CACNB2: variants seen among roughly 807,000 people sequenced by gnomAD.
The protein encoded by CACNB2 is voltage-dependent L-type calcium channel subunit beta-2.
A neutral mutation model predicts 73.3 loss-of-function variants in CACNB2; 42 were observed. The observed-to-expected ratio is 0.57, with a 90% confidence interval of 0.45 to 0.74. The LOEUF (loss-of-function observed/expected upper bound fraction) is 0.74, where lower values mean the gene tolerates loss of function less well. CACNB2 is among the 30% of genes least tolerant of loss of function. CACNB2 has a pLI of 0.00. For missense variants in CACNB2, 940 were observed against 853.0 expected, an observed-to-expected ratio of 1.10 and a Z score of -1.27; for synonymous variants, 348 against 310.3, an observed-to-expected ratio of 1.12 and a Z score of -1.28.
At position 18,323,192 on chromosome 10, in the gene CACNB2, C is replaced by T. The variant is rs141686855; in HGVS notation, c.214-78732C>T. 2.5e-3 allele frequency among the ~76,000 whole-genome samples: 376 copies of T among 151,982 alleles called. 1 individual carries two copies. The highest frequency in any genetic ancestry group is 8.7e-3 in the African/African-American group (359 of 41,456). On this transcript the variant is annotated intron_variant, in intron 2 of 13. Transcript: ENST00000324631. ...CAGGCTGGTCTTGAACTCCTGGGCT[C>T]ATGCAATCCTCTCGCCTCAGCCTCC... is the stretch of plus-strand genomic sequence containing the variant.
chr10:18,400,520 G>C (rs562671795), intron 2 of CACNB2: 105 of 951,302 alleles, frequency 1.1e-4, no homozygotes, highest in Admixed American at 8.4e-4. Context: ...GCGACATATG[G>C]AGCATGCCCA....
intron 2 of CACNB2, among the ~76,000 whole-genome samples, chr10:18,188,502 ACTGTGTTGCCCAGGCTGCT>A (rs370062700): frequency 0.034 from 5,159 of 152,206 alleles, 94 homozygotes; most frequent in South Asian, 0.041. Flanking sequence ...ACAGGGTCTT[ACTGTGTTGCCCAGGCTGCT>A]CTGGAACTCC....
At chr10:18,349,295 G>A in intron 2 of CACNB2, among the ~76,000 whole-genome samples, 1 of 152,192 alleles carries the variant, frequency 6.6e-6, no homozygotes, top group East Asian at 1.9e-4. Context: ...TGGTGAAAAT[G>A]TTGTTGAAAG....
chr10:18,336,702 T>A (rs1407482731), intron 2 of CACNB2, among the ~76,000 whole-genome samples: 1 of 152,170 alleles, frequency 6.6e-6, no homozygotes, highest in African/African-American at 2.4e-5. Flanking sequence ...CTAGACCAAT[T>A]TATTTATATT....
chr10:18,268,690 G>T (rs1284425796), intron 2 of CACNB2, among the ~76,000 whole-genome samples: 1 of 152,136 alleles, frequency 6.6e-6, no homozygotes, highest in Non-Finnish European at 1.5e-5. Context: ...TAAGTATGTT[G>T]CAATAAGTAT....
intron 2 of CACNB2, among the ~76,000 whole-genome samples, chr10:18,289,283 TGTTTTTTTGTTTTG>T (rs1375613216): frequency 3.8e-5 from 4 of 104,558 alleles, no homozygotes; most frequent in African/African-American, 2.0e-4. Context: ...TTTTTTTTCT[TGTTTTTTTGTTTTG>T]TTTTTTTTTT....
intron 2 of CACNB2, among the ~76,000 whole-genome samples, chr10:18,283,592 T>C (rs2038652429): frequency 6.7e-6 from 1 of 148,912 alleles, no homozygotes; most frequent in Non-Finnish European, 1.5e-5. Flanking sequence ...ACACCGCATG[T>C]TCTCACTCAT....
chr10:18,277,053 G>T (rs2038325377), intron 2 of CACNB2, among the ~76,000 whole-genome samples: 1 of 152,194 alleles, frequency 6.6e-6, no homozygotes, highest in African/African-American at 2.4e-5. Flanking sequence ...GGAGGTCGAG[G>T]CTGCAGTGAG....
chr10:18,320,452 G>C, intron 2 of CACNB2, among the ~76,000 whole-genome samples: 1 of 152,006 alleles, frequency 6.6e-6, no homozygotes, highest in East Asian at 1.9e-4. Context: ...CAAAAATTTT[G>C]AAAAACTAGT....
At chr10:18,405,194 A>G (rs1368634739) in intron 3 of CACNB2, among the ~76,000 whole-genome samples, 1 of 152,198 alleles carries the variant, frequency 6.6e-6, no homozygotes, top group Non-Finnish European at 1.5e-5. Context: ...AACCATCACT[A>G]TAATCAGTTT....
chr10:18,250,615 T>G (rs1290918120), intron 2 of CACNB2, among the ~76,000 whole-genome samples: 1 of 152,190 alleles, frequency 6.6e-6, no homozygotes, highest in African/African-American at 2.4e-5. Flanking sequence ...TGTCTTTTAT[T>G]TTTGGAAAAT....
intron 3 of CACNB2, among the ~76,000 whole-genome samples, chr10:18,442,018 G>A (rs555817984): frequency 6.6e-5 from 10 of 152,166 alleles, no homozygotes; most frequent in Non-Finnish European, 8.8e-5. Flanking sequence ...CAAGCTCCTC[G>A]CCTCATAATT....
chr10:18,353,225 G>T (rs1188379008), intron 2 of CACNB2, among the ~76,000 whole-genome samples: 1 of 152,054 alleles, frequency 6.6e-6, no homozygotes, highest in Non-Finnish European at 1.5e-5. Context: ...CCCTGGCCAA[G>T]ATGGTGAAAC....
intron 2 of CACNB2, among the ~76,000 whole-genome samples, chr10:18,284,880 C>G (rs1194753179): frequency 1.3e-5 from 2 of 152,138 alleles, no homozygotes; most frequent in African/African-American, 4.8e-5. Flanking sequence ...AATGGTTGAG[C>G]TTTTAGAGAT....
intron 3 of CACNB2, among the ~76,000 whole-genome samples, chr10:18,493,764 A>G (rs2049606954): frequency 6.6e-6 from 1 of 152,142 alleles, no homozygotes; most frequent in South Asian, 2.1e-4. Context: ...ATATGAATGA[A>G]ATTAATATGG....
intron 2 of CACNB2, among the ~76,000 whole-genome samples, chr10:18,371,764 T>C (rs1424427874): frequency 2.0e-5 from 3 of 152,322 alleles, no homozygotes; most frequent in Admixed American, 6.5e-5. Flanking sequence ...TCTAGATCCC[T>C]GAGGAATCAC....
chr10:18,232,265 A>G (rs1298391151), intron 2 of CACNB2, among the ~76,000 whole-genome samples: 1 of 152,144 alleles, frequency 6.6e-6, no homozygotes, highest in Admixed American at 6.5e-5. Context: ...TGACCAATCT[A>G]TTCACTAGAT....
rs549480116 is a variant in CACNB2 at position 18,293,258 on chromosome 10, G to A, written c.214-108666G>A. On this transcript the variant is annotated intron_variant, in intron 2 of 13. Transcript: ENST00000324631. ...TTTTTGTCTTCATATTATTGTTATC[G>A]TTGATTCTTCACTTCCTCTTAGTAA... Among the ~76,000 whole-genome samples the A allele has an allele frequency of 2.7e-4, 41 of 152,156 alleles. 1 individual carries two copies. The South Asian group carries it at 7.5e-3, about 28-fold the overall frequency.
chr10:18,156,994 G>C (rs1306586090), intron 2 of CACNB2, among the ~76,000 whole-genome samples: 1 of 151,186 alleles, frequency 6.6e-6, no homozygotes, highest in Non-Finnish European at 1.5e-5. Context: ...GGTGAGCCGA[G>C]ATTGCGCCAT....
Sources: gnomAD v4.1 joint callset for allele counts (sites outside exome capture counted in the v4.1 genomes callset) on GRCh38, gnomAD v4.1.1 for gene constraint, MANE v1.5 for transcripts, NCBI Gene and HGNC (gene_info 2026-07-23, HGNC 2026-07-21) for gene names.